BUB1B: variants seen among roughly 807,000 people sequenced by gnomAD.
BUB1B encodes BUB1 mitotic checkpoint serine/threonine kinase B.
Under a neutral mutation model 137.7 loss-of-function variants are expected in BUB1B, and 86 were observed. That is an observed-to-expected ratio of 0.62 (90% CI 0.52 to 0.75). The LOEUF (loss-of-function observed/expected upper bound fraction) is 0.75. BUB1B is among the 30% of genes least tolerant of loss of function. The pLI is 0.00. For missense variants in BUB1B, 1,130 were observed against 1,236.9 expected (o/e 0.91, Z 1.30); for synonymous variants, 420 against 417.9 (o/e 1.00, Z -0.06).
At position 40,176,610 on chromosome 15, in the gene BUB1B, C is replaced by A; in HGVS notation, c.518C>A (p.Ala173Glu). ...AGAGAAAACTTTAGGAAAGCAGATGCGATATTTCAGGAAGGGATTCAACAG... is the reference window on the plus strand; with the variant it reads ...AGAGAAAACTTTAGGAAAGCAGATGAGATATTTCAGGAAGGGATTCAACAG... ...EARENFRKADAIFQEGIQQKA... is the reference protein window; with the variant it reads ...EARENFRKADEIFQEGIQQKA... The change falls in exon 5 of 23, where the codon GCG (alanine) becomes GAG (glutamate). Residue 173 changes from alanine (A) to glutamate (E), a missense_variant. Physicochemically the swap from Ala to Glu is moderately radical, Grantham distance 107 (BLOSUM62 -1). Transcript: ENST00000287598. 1.2e-6 allele frequency: 2 copies of A among 1,613,988 alleles called. No individual in the cohort carries two copies. Among genetic ancestry groups the A allele is most frequent in the South Asian group, 1.1e-5 (1 of 91,086 alleles).
chr15:40,216,665 A>G (rs1270683019), intron 20 of BUB1B, among the ~76,000 whole-genome samples: 1 of 150,184 alleles, frequency 6.7e-6, no homozygotes, highest in Non-Finnish European at 1.5e-5. Flanking sequence ...ATCAATTTTA[A>G]AGTAAAATAC....
At chr15:40,187,562 G>A (rs1250262031) in intron 8 of BUB1B, among the ~76,000 whole-genome samples, 5 of 152,064 alleles carry the variant, frequency 3.3e-5, no homozygotes, top group Non-Finnish European at 5.9e-5. Flanking sequence ...CAGCACTCCA[G>A]CCTGGGCAAC....
At chr15:40,170,746 T>C (rs2037152962) in intron 4 of BUB1B, 65 bp downstream of exon 4, 7 of 1,547,852 alleles carry the variant, frequency 4.5e-6, no homozygotes, top group Non-Finnish European at 5.3e-6. Context: ...TCTAGAGGTA[T>C]CTGGTATACC....
intron 1 of BUB1B, among the ~76,000 whole-genome samples, chr15:40,164,662 C>CTTTTTTT (rs1174963610): frequency 7.8e-6 from 1 of 127,600 alleles, no homozygotes. Flanking sequence ...ATTCATTTTT[C>CTTTTTTT]TTTTTTTTTT....
chr15:40,190,063 C>G (rs2037416797), intron 8 of BUB1B, among the ~76,000 whole-genome samples: 1 of 152,052 alleles, frequency 6.6e-6, no homozygotes, highest in South Asian at 2.1e-4. Context: ...TACAGTAGTC[C>G]CTCCTTATCT....
At chr15:40,197,295 T>C (rs2037510714) in intron 9 of BUB1B, among the ~76,000 whole-genome samples, 1 of 152,322 alleles carries the variant, frequency 6.6e-6, no homozygotes, top group South Asian at 2.1e-4. Context: ...AAAGACATTA[T>C]ATTTCTAAAT....
chr15:40,218,522 T>C lies in BUB1B; in HGVS notation c.2917T>C (p.Trp973Arg), dbSNP rs1247090547. 1 of 1,614,146 alleles carries C rather than the reference T, an allele frequency of 6.2e-7. No individual in the cohort carries two copies. The highest frequency in any genetic ancestry group is 1.1e-5 in the South Asian group (1 of 91,066). Residue 973 changes from tryptophan to arginine, a missense_variant, in exon 22 of 23, where the codon TGG (tryptophan) becomes CGG (arginine). By Grantham distance (101) the Trp-to-Arg change is moderately radical (BLOSUM62 -3). Transcript: ENST00000287598. ...LLFKEHLQVF[W>R]DGSFWKLSQN... Reference sequence around the variant, plus strand: ...GTTCAAGGAACACCTACAGGTCTTCTGGGATGGGTCCTTCTGGAAACTTAG... The same window carrying C: ...GTTCAAGGAACACCTACAGGTCTTCCGGGATGGGTCCTTCTGGAAACTTAG...
intron 15 of BUB1B, among the ~76,000 whole-genome samples, chr15:40,207,614 G>T (rs2037653305): frequency 6.6e-6 from 1 of 151,998 alleles, no homozygotes; most frequent in Non-Finnish European, 1.5e-5. Flanking sequence ...TCAATATTAT[G>T]GAATATAGAG....
chr15:40,199,529 T>C, intron 9 of BUB1B, 86 bp from the exon 10 acceptor site: 2 of 935,732 alleles, frequency 2.1e-6, no homozygotes, highest in Non-Finnish European at 3.5e-6. Context: ...GTAACATATA[T>C]GTTGAGGAGA....
At chr15:40,191,743 A>G (rs2037441011) in intron 8 of BUB1B, among the ~76,000 whole-genome samples, 1 of 152,190 alleles carries the variant, frequency 6.6e-6, no homozygotes, top group Admixed American at 6.5e-5. Flanking sequence ...TTTGCTATTG[A>G]ATGGTCTTGG....
At position 40,217,558 on chromosome 15, in the gene BUB1B, A is replaced by G. The variant is rs1292773090; in HGVS notation, c.2741A>G (p.Tyr914Cys). Residue 914 changes from tyrosine (Y) to cysteine (C), a missense_variant, in exon 21 of 23, where the codon TAC (tyrosine) becomes TGC (cysteine). By Grantham distance (194) the Tyr-to-Cys change is radical. Transcript: ENST00000287598. ...GCTTTGAAGATAGTGGACTTTTCCT[A>G]CAGTGTTGACCTTAGGGTGCAGCTG... ...NQALKIVDFS[Y>C]SVDLRVQLDV... 2 of 1,613,958 alleles carry G rather than the reference A, an allele frequency of 1.2e-6. No individual in the cohort carries two copies. The highest frequency in any genetic ancestry group is 3.3e-5 in the Admixed American group (2 of 59,986).
chr15:40,166,371 G>C, intron 2 of BUB1B: 1 of 425,072 alleles, frequency 2.4e-6, no homozygotes, highest in South Asian at 1.6e-5. Flanking sequence ...ACGGAGTCTC[G>C]CTCTTTCGGC....
intron 8 of BUB1B, among the ~76,000 whole-genome samples, chr15:40,186,178 G>T (rs2037358249): frequency 6.6e-6 from 1 of 152,114 alleles, no homozygotes; most frequent in African/African-American, 2.4e-5. Context: ...AGAGTTAGAA[G>T]ATTTGTCTGA....
intron 1 of BUB1B, among the ~76,000 whole-genome samples, chr15:40,163,775 T>A (rs1478129875): frequency 1.3e-5 from 2 of 152,236 alleles, no homozygotes; most frequent in Non-Finnish European, 2.9e-5. Context: ...AAATATGCCA[T>A]AGGAACTTAA....
At chr15:40,219,422 C>T (rs1318030243) in intron 22 of BUB1B, among the ~76,000 whole-genome samples, 2 of 151,972 alleles carry the variant, frequency 1.3e-5, no homozygotes, top group Non-Finnish European at 2.9e-5. Context: ...CAAGCCTGCT[C>T]ATAAAACTTA....
chr15:40,178,906 T>TA (rs544493631), intron 5 of BUB1B, among the ~76,000 whole-genome samples: 36 of 150,568 alleles, frequency 2.4e-4, no homozygotes, highest in South Asian at 6.4e-4. Context: ...AAAACCACAT[T>TA]AAAAAAAAAC....
chr15:40,186,419 A>G (rs2037361664), intron 8 of BUB1B, among the ~76,000 whole-genome samples: 1 of 136,440 alleles, frequency 7.3e-6, no homozygotes, highest in African/African-American at 2.8e-5. Flanking sequence ...AATGCTTAAC[A>G]TTGCCTAGTT....
chr15:40,173,457 G>T (rs1355159827), intron 4 of BUB1B, among the ~76,000 whole-genome samples: 2 of 152,048 alleles, frequency 1.3e-5, no homozygotes, highest in East Asian at 3.8e-4. Context: ...TACTGAAGAA[G>T]AATAATATCA....
chr15:40,202,480 T>G lies in BUB1B; in HGVS notation c.1628+15T>G, dbSNP rs201669300. The G allele has an allele frequency of 6.2e-6, 10 of 1,609,844 alleles. No individual in the cohort carries two copies. In the East Asian group the frequency reaches 2.2e-4, roughly 36 times the overall value. On this transcript the variant is annotated intron_variant, in intron 13 of 22. Transcript: ENST00000287598. ...AAGAATAAAAGGTACGTTGTTTTTT[T>G]GTTTTTTTGGTTTTTTTTTACTTAA...
Sources: allele counts gnomAD v4.1 joint callset (sites outside exome capture counted in the v4.1 genomes callset), GRCh38; gene constraint gnomAD v4.1.1; transcripts MANE v1.5; gene names NCBI Gene and HGNC (gene_info 2026-07-23, HGNC 2026-07-21).